Variants in TMEM260 observed in about 807,000 individuals in gnomAD.
TMEM260 encodes the protein transmembrane protein 260.
A neutral mutation model predicts 88.9 loss-of-function variants in TMEM260; 82 were observed. The ratio of observed to expected loss-of-function variants is 0.92; its 90% CI spans 0.77 to 1.11. The LOEUF (loss-of-function observed/expected upper bound fraction) is 1.11, where lower values mean the gene tolerates loss of function less well. Ranked by LOEUF, TMEM260 falls within the 50% of genes least tolerant of loss-of-function variation. TMEM260 has a pLI of 0.00. For synonymous variants in TMEM260, 314 were observed against 309.3 expected (o/e 1.02, Z -0.16); for missense variants, 902 against 853.4 (o/e 1.06, Z -0.71).
At chr14:56,629,342 T>TAGG (rs1286564231) in intron 12 of TMEM260, among the ~76,000 whole-genome samples, 1 of 151,670 alleles carries the variant, frequency 6.6e-6, no homozygotes, top group Non-Finnish European at 1.5e-5. Context: ...ATGGTATACT[T>TAGG]AGGAGTAATA....
At chr14:56,662,087 T>C in the TMEM260 span, among the ~76,000 whole-genome samples, 1 of 152,226 alleles carries the variant, frequency 6.6e-6, no homozygotes, top group African/African-American at 2.4e-5. Flanking sequence ...AAGTTGTACA[T>C]GCATCCCAAG....
chr14:56,658,420 T>C, the TMEM260 span, among the ~76,000 whole-genome samples: 1 of 151,888 alleles, frequency 6.6e-6, no homozygotes, highest in Admixed American at 6.6e-5. Context: ...GCTAATTTTG[T>C]ATTTTTTGTA....
chr14:56,603,704 G>T, intron 3 of TMEM260, 111 bp from the exon 4 acceptor site: 2 of 1,089,172 alleles, frequency 1.8e-6, no homozygotes, highest in Admixed American at 2.0e-5. Context: ...ATAATGTGTT[G>T]GAGTAGTGCT....
At chr14:56,644,260 T>G (rs1183296699) in intron 15 of TMEM260, among the ~76,000 whole-genome samples, 1 of 152,144 alleles carries the variant, frequency 6.6e-6, no homozygotes, top group Admixed American at 6.6e-5. Flanking sequence ...CAAACTATAC[T>G]ACAAGGCTAC....
chr14:56,604,089 T>G (rs1886743451), intron 4 of TMEM260, 97 bp downstream of exon 4: 1 of 1,207,026 alleles, frequency 8.3e-7, no homozygotes, highest in Admixed American at 3.0e-5. Context: ...TTATCTATTC[T>G]GATTACAGTC....
chr14:56,618,446 C>A, intron 9 of TMEM260, 148 bp from the exon 10 acceptor site: 1 of 696,196 alleles, frequency 1.4e-6, no homozygotes, highest in Non-Finnish European at 2.4e-6. Flanking sequence ...ATGACCTGGG[C>A]TTGGATTGGG....
chr14:56,623,870 A>G (rs4901702), intron 11 of TMEM260, among the ~76,000 whole-genome samples: 62,637 of 152,086 alleles, frequency 0.41, 13,754 homozygotes, highest in East Asian at 0.6. Context: ...CAATTTCTCA[A>G]ATGATGATAT....
At chr14:56,596,171 A>G (rs1264954526) in intron 3 of TMEM260, among the ~76,000 whole-genome samples, 1 of 152,036 alleles carries the variant, frequency 6.6e-6, no homozygotes, top group Non-Finnish European at 1.5e-5. Flanking sequence ...TTAAAAAAAT[A>G]TTTCTTTCCA....
downstream of TMEM260, among the ~76,000 whole-genome samples, chr14:56,651,132 C>G (rs1890199250): frequency 6.6e-6 from 1 of 152,106 alleles, no homozygotes; most frequent in South Asian, 2.1e-4. Flanking sequence ...CACAGCATTA[C>G]AGAGCAAACA....
intron 11 of TMEM260, 109 bp from the exon 12 acceptor site, chr14:56,625,273 A>G (rs899026403): frequency 6.0e-6 from 6 of 1,004,658 alleles, no homozygotes; most frequent in African/African-American, 1.7e-5. Flanking sequence ...AATTATATAT[A>G]TATTAGGTTG....
At chr14:56,597,703 G>A (rs756533145) in intron 3 of TMEM260, among the ~76,000 whole-genome samples, 1 of 152,166 alleles carries the variant, frequency 6.6e-6, no homozygotes, top group Non-Finnish European at 1.5e-5. Flanking sequence ...TGTTGGATTG[G>A]TTTGAGTCTG....
intron 3 of TMEM260, among the ~76,000 whole-genome samples, chr14:56,588,121 A>G (rs1268562386): frequency 6.6e-6 from 1 of 152,030 alleles, no homozygotes; most frequent in Non-Finnish European, 1.5e-5. Context: ...TACTTTATTC[A>G]TTTACAAACC....
chr14:56,662,113 T>G, the TMEM260 span, among the ~76,000 whole-genome samples: 1 of 152,230 alleles, frequency 6.6e-6, no homozygotes, highest in African/African-American at 2.4e-5. Context: ...AGAGCCATGA[T>G]TTGGCTTCTA....
At chr14:56,628,140 T>A (rs746336698) in intron 12 of TMEM260, among the ~76,000 whole-genome samples, 1 of 152,232 alleles carries the variant, frequency 6.6e-6, no homozygotes, top group Non-Finnish European at 1.5e-5. Context: ...GTAGTTTGTT[T>A]ATCCATTTAC....
At chr14:56,631,537 T>C (rs1888597471) in intron 12 of TMEM260, among the ~76,000 whole-genome samples, 1 of 151,468 alleles carries the variant, frequency 6.6e-6, no homozygotes, top group Admixed American at 6.6e-5. Flanking sequence ...GCAGGAGGAT[T>C]GCTTGAGCCT....
chr14:56,585,612 A>G, intron 2 of TMEM260, 149 bp from the exon 3 acceptor site: 1 of 712,996 alleles, frequency 1.4e-6, no homozygotes, highest in Non-Finnish European at 2.3e-6. Flanking sequence ...CCTCAAGAGG[A>G]TTACAATAGA....
intron 14 of TMEM260, among the ~76,000 whole-genome samples, chr14:56,635,783 A>G (rs919905126): frequency 6.6e-6 from 1 of 152,200 alleles, no homozygotes; most frequent in Non-Finnish European, 1.5e-5. Context: ...AAGAGCTTAT[A>G]TAAGTTTAAA....
intron 9 of TMEM260, among the ~76,000 whole-genome samples, chr14:56,617,687 G>C (rs1290826075): frequency 6.6e-6 from 1 of 152,050 alleles, no homozygotes; most frequent in Non-Finnish European, 1.5e-5. Context: ...CTAGGCAAAA[G>C]AGCAACCGTA....
chr14:56,631,692 C>T (rs550969267), intron 12 of TMEM260, among the ~76,000 whole-genome samples: 1 of 152,060 alleles, frequency 6.6e-6, no homozygotes, highest in South Asian at 2.1e-4. Context: ...TGTGTTATTC[C>T]CTCACTGGTG....
Sources: allele counts gnomAD v4.1 joint callset (sites outside exome capture counted in the v4.1 genomes callset), GRCh38; gene constraint gnomAD v4.1.1; transcripts MANE v1.5; gene names NCBI Gene and HGNC (gene_info 2026-07-23, HGNC 2026-07-21).